ZMYND8: variants seen among roughly 807,000 people sequenced by gnomAD.
ZMYND8 encodes the protein zinc finger MYND-type containing 8, also known as MYND-type zinc finger-containing chromatin reader ZMYND8.
In ZMYND8, 37 loss-of-function variants were observed where a neutral mutation model predicts 140.8. The observed-to-expected ratio is 0.26, with a 90% confidence interval of 0.20 to 0.35. The LOEUF is 0.35. Among genes scored for constraint, ZMYND8 ranks in the 10% least tolerant of loss-of-function variants. The pLI is 1.00. For missense variants in ZMYND8, 1,068 were observed against 1,570.0 expected (o/e 0.68, Z 5.40); for synonymous variants, 592 against 597.1 (o/e 0.99, Z 0.12).
At chr20:47,215,425 G>A (rs537317818) in intron 21 of ZMYND8, among the ~76,000 whole-genome samples, 18 of 152,156 alleles carry the variant, frequency 1.2e-4, no homozygotes, top group African/African-American at 4.1e-4. Flanking sequence ...GGCTTAGGGG[G>A]ATGGTGGAGT....
chr20:47,210,927 G>T (rs771965154), intron 22 of ZMYND8, 30 bp from the exon 23 acceptor site: 1 of 1,605,518 alleles, frequency 6.2e-7, no homozygotes. Flanking sequence ...TGTTTAGCGT[G>T]CCTGCCCACC....
At chr20:47,226,556 T>C (rs951758023) in intron 18 of ZMYND8, among the ~76,000 whole-genome samples, 1 of 152,028 alleles carries the variant, frequency 6.6e-6, no homozygotes, top group Non-Finnish European at 1.5e-5. Flanking sequence ...GGGTGAAGAG[T>C]GCCCAGACTT....
chr20:47,210,007 C>T lies in ZMYND8; in HGVS notation c.*754G>A, dbSNP rs947660157. On this transcript the variant is annotated 3_prime_UTR_variant, in exon 23 of 23. Transcript: ENST00000471951. ...GATCCTAAGACTTTCTGTGTTCTCT[C>T]CTGTGACTGAGCTGAGTGGGGCTTG... 17 of 152,586 alleles carry T rather than the reference C, an allele frequency of 1.1e-4. No homozygotes were observed. The highest frequency in any genetic ancestry group is 1.3e-4 in the Admixed American group (2 of 15,288). 9.5% of individuals were successfully genotyped at this position (152,586 alleles called of 1,614,324 possible).
chr20:47,220,597 T>TAACA (rs10645164), intron 20 of ZMYND8, among the ~76,000 whole-genome samples: 3,451 of 152,224 alleles, frequency 0.023, 155 homozygotes, highest in African/African-American at 0.078. Context: ...CTCCACTCAC[T>TAACA]AACAGAACCC....
At chr20:47,235,550 T>A (rs898690378) in intron 16 of ZMYND8, among the ~76,000 whole-genome samples, 5 of 151,818 alleles carry the variant, frequency 3.3e-5, no homozygotes, top group African/African-American at 1.2e-4. Flanking sequence ...ACTAAAAAAA[T>A]ACAAAGATTA....
At chr20:47,300,840 A>G (rs2077970606) in intron 3 of ZMYND8, among the ~76,000 whole-genome samples, 1 of 150,416 alleles carries the variant, frequency 6.6e-6, no homozygotes, top group African/African-American at 2.4e-5. Context: ...TCAGCCTCCC[A>G]AGTAGCTGGG....
At chr20:47,313,344 C>T (rs995734848) in intron 2 of ZMYND8, among the ~76,000 whole-genome samples, 8 of 151,968 alleles carry the variant, frequency 5.3e-5, no homozygotes, top group African/African-American at 1.7e-4. Flanking sequence ...GGCTGGAGGC[C>T]GGGCGCAGTG....
chr20:47,287,828 G>GA lies in ZMYND8; in HGVS notation c.749-545dup, dbSNP rs2147931684. On this transcript the variant is annotated intron_variant, in intron 7 of 22. Coordinates refer to ENST00000471951, the MANE Select transcript of ZMYND8 (RefSeq NM_001281775.3). ...GCAACATAGCGAGACCCCACCTCTA[G>GA]AAAAAAACAACACACACACACACGC... Among the ~76,000 whole-genome samples the GA allele has an allele frequency of 2.2e-5, 3 of 136,866 alleles. No individual in the cohort carries two copies. In the South Asian group the frequency reaches 7.2e-4, roughly 33 times the overall value. 89.8% of individuals were successfully genotyped at this position (136,866 alleles called of 152,430 possible). A position where few individuals can be genotyped will look rare whatever the true frequency, so the allele number is the denominator to read the frequency against.
In ZMYND8 at chr20:47,221,486, GGAGA is replaced by G. The variant is rs754029086; in HGVS notation, c.3257-16_3257-13del. 4.3e-6 allele frequency: 7 copies of G among 1,612,716 alleles called. No individual in the cohort carries two copies. Among genetic ancestry groups the G allele is most frequent in the Admixed American group, 3.3e-5 (2 of 59,924 alleles). ...CTGAGGAGCAGTAGCTGGGGACAAA[GGAGA>G]GAGAGAGACGCCACATATACACAGA... On this transcript the variant is annotated splice_polypyrimidine_tract_variant and intron_variant, in intron 19 of 22. Transcript: ENST00000471951.
intron 11 of ZMYND8, among the ~76,000 whole-genome samples, chr20:47,271,867 G>A (rs1330966885): frequency 6.6e-6 from 1 of 152,044 alleles, no homozygotes; most frequent in East Asian, 1.9e-4. Flanking sequence ...ATTTTTAGTA[G>A]AGACGGGGTT....
chr20:47,219,852 G>A (rs111341196), intron 21 of ZMYND8, among the ~76,000 whole-genome samples: 133 of 152,094 alleles, frequency 8.7e-4, no homozygotes, highest in Non-Finnish European at 5.4e-4. Context: ...AGGCTTGAGC[G>A]CCTTCATCCA....
At chr20:47,270,266 G>A (rs898565985) in intron 11 of ZMYND8, among the ~76,000 whole-genome samples, 67 of 149,778 alleles carry the variant, frequency 4.5e-4, no homozygotes, top group Non-Finnish European at 8.9e-5. Context: ...CCAGCTACTC[G>A]GGAGGCTGAG....
chr20:47,220,067 G>T (rs765364672), intron 21 of ZMYND8, among the ~76,000 whole-genome samples, 191 bp downstream of exon 21: 11 of 152,136 alleles, frequency 7.2e-5, no homozygotes, highest in Non-Finnish European at 1.6e-4. Context: ...CGATCAGCTT[G>T]AAGAGGTACC....
chr20:47,260,676 T>C (rs1382816343), intron 12 of ZMYND8, among the ~76,000 whole-genome samples: 2 of 152,228 alleles, frequency 1.3e-5, no homozygotes, highest in African/African-American at 4.8e-5. Flanking sequence ...TGCCCATCTC[T>C]TGCCTCATCA....
chr20:47,227,402 A>G (rs1354450263), intron 17 of ZMYND8, 121 bp from the exon 18 acceptor site: 1 of 921,612 alleles, frequency 1.1e-6, no homozygotes, highest in Non-Finnish European at 1.7e-6. Context: ...TCCCACAGCT[A>G]TAGTCCAGAG....
At chr20:47,348,476 C>A (rs1457592989) in intron 1 of ZMYND8, 1 of 168,444 alleles carries the variant, frequency 5.9e-6, no homozygotes, top group African/African-American at 2.4e-5. Context: ...AAGACCTGGT[C>A]TCAAAACACT....
At chr20:47,227,379 A>AGG in intron 17 of ZMYND8, 98 bp from the exon 18 acceptor site, 1 of 1,159,204 alleles carries the variant, frequency 8.6e-7, no homozygotes, top group Non-Finnish European at 1.3e-6. Context: ...GGGTATGGGA[A>AGG]TCATGCTAAC....
At chr20:47,318,440 G>A in intron 2 of ZMYND8, 1 of 333,618 alleles carries the variant, frequency 3.0e-6, no homozygotes. Flanking sequence ...AATATTTGGG[G>A]CCCTCCCCAA....
chr20:47,353,889 AG>A (rs1213487441), intron 1 of ZMYND8: 1 of 152,108 alleles, frequency 6.6e-6, no homozygotes, highest in African/African-American at 2.4e-5. Context: ...TTTTCCTAAA[AG>A]GAACAAAGAT....
Sources: gnomAD v4.1 joint callset for allele counts (sites outside exome capture counted in the v4.1 genomes callset) on GRCh38, gnomAD v4.1.1 for gene constraint, MANE v1.5 for transcripts, NCBI Gene and HGNC (gene_info 2026-07-23, HGNC 2026-07-21) for gene names.